The following NOTCH2NLC variants were observed in gnomAD, a reference collection of about 807,000 sequenced individuals.
The protein encoded by NOTCH2NLC is notch homolog 2 N-terminal-like protein C.
Under a neutral mutation model 17.7 loss-of-function variants are expected in NOTCH2NLC, and 4 were observed. That is an observed-to-expected ratio of 0.23 (90% CI 0.11 to 0.52). The LOEUF is 0.52. Ranked by LOEUF, NOTCH2NLC falls within the 20% of genes least tolerant of loss-of-function variation. The pLI, the probability that NOTCH2NLC is intolerant of heterozygous loss-of-function variation, is 0.96. For synonymous variants in NOTCH2NLC, 18 were observed against 86.0 expected (o/e 0.21, Z 4.38); for missense variants, 57 against 207.2 (o/e 0.28, Z 4.45).
At chr1:149,395,122 CA>C (rs2101460964) in intron 1 of NOTCH2NLC, among the ~76,000 whole-genome samples, 1 of 150,572 alleles carries the variant, frequency 6.6e-6, no homozygotes, top group East Asian at 2.0e-4. Flanking sequence ...CTTATGTGCA[CA>C]AAAACTCTTA....
At chr1:149,412,225 G>C (rs1207812513) in intron 1 of NOTCH2NLC, among the ~76,000 whole-genome samples, 2 of 149,504 alleles carry the variant, frequency 1.3e-5, no homozygotes, top group Non-Finnish European at 3.0e-5. Flanking sequence ...TTAAACTGCA[G>C]ATCATGACCA....
At chr1:149,462,747 G>C (rs2084657056) in intron 3 of NOTCH2NLC, among the ~76,000 whole-genome samples, 1 of 150,300 alleles carries the variant, frequency 6.7e-6, no homozygotes. Context: ...ATGTATGTGA[G>C]GGGCACTAAG....
chr1:149,424,974 C>T (rs1283122657), intron 1 of NOTCH2NLC, among the ~76,000 whole-genome samples: 1 of 151,306 alleles, frequency 6.6e-6, no homozygotes, highest in Non-Finnish European at 1.5e-5. Context: ...TCCCAGTAGG[C>T]CCCACCTTCA....
In NOTCH2NLC at chr1:149,470,768, TATC is replaced by T. The variant is rs2101520511; in HGVS notation, c.*6617_*6619del. 8.3e-6 allele frequency among the ~76,000 whole-genome samples: 1 copy of T among 119,796 alleles called. No individual in the cohort carries two copies. The highest frequency in any genetic ancestry group is 3.1e-5 in the African/African-American group (1 of 32,736). The allele number at this position is 119,796 out of a possible 152,430, so 78.6% of individuals were successfully genotyped here. A position where few individuals can be genotyped will look rare whatever the true frequency, so the allele number is the denominator to read the frequency against. ...TGAGTTGCTTCTACTTTTTGAGTAT[TATC>T]AATAATTCTGTTATGAACATTCTTG... On this transcript the variant is annotated 3_prime_UTR_variant, in exon 5 of 5. Transcript: ENST00000650865.
intron 1 of NOTCH2NLC, among the ~76,000 whole-genome samples, chr1:149,419,577 T>C (rs1367604137): frequency 6.7e-6 from 1 of 149,638 alleles, no homozygotes; most frequent in East Asian, 2.0e-4. Flanking sequence ...ATCTGAGTAG[T>C]CTTGAAGATA....
intron 1 of NOTCH2NLC, among the ~76,000 whole-genome samples, chr1:149,426,636 C>A (rs1432826626): frequency 8.2e-6 from 1 of 122,242 alleles, no homozygotes; most frequent in Non-Finnish European, 1.6e-5. Flanking sequence ...ACAGCAGATA[C>A]ACACACAGTA....
At chr1:149,448,867 A>G (rs1259196964) in intron 2 of NOTCH2NLC, among the ~76,000 whole-genome samples, 1 of 143,086 alleles carries the variant, frequency 7.0e-6, no homozygotes, top group Non-Finnish European at 1.5e-5. Context: ...TGCCTCTTCC[A>G]TCTACTAGCT....
At chr1:149,414,443 A>C (rs1324562409) in intron 1 of NOTCH2NLC, among the ~76,000 whole-genome samples, 4 of 150,372 alleles carry the variant, frequency 2.7e-5, no homozygotes, top group African/African-American at 7.3e-5. Context: ...TTTCTGGCAT[A>C]CTGTATACTC....
intron 2 of NOTCH2NLC, among the ~76,000 whole-genome samples, chr1:149,447,705 G>GA (rs1485989713): frequency 0.029 from 3,888 of 135,074 alleles, 282 homozygotes; most frequent in East Asian, 0.25. Flanking sequence ...GCAGATTTTT[G>GA]AAAAAAGGGT....
At chr1:149,424,933 A>G (rs1373574468) in intron 1 of NOTCH2NLC, among the ~76,000 whole-genome samples, 4 of 151,314 alleles carry the variant, frequency 2.6e-5, no homozygotes, top group African/African-American at 7.3e-5. Flanking sequence ...CAAGTTATTC[A>G]TGAGAGATCT....
intron 2 of NOTCH2NLC, among the ~76,000 whole-genome samples, chr1:149,440,055 C>T (rs1326654487): frequency 2.5e-4 from 37 of 148,528 alleles, no homozygotes; most frequent in African/African-American, 8.0e-4. Flanking sequence ...TTTGCCTTCA[C>T]GTAAATATGA....
At chr1:149,440,213 G>C (rs2084508683) in intron 2 of NOTCH2NLC, among the ~76,000 whole-genome samples, 1 of 149,496 alleles carries the variant, frequency 6.7e-6, no homozygotes, top group Non-Finnish European at 1.5e-5. Flanking sequence ...AAGTTAGATG[G>C]ACTCTGAAGC....
chr1:149,460,866 T>TCTCC (rs1234428396), intron 3 of NOTCH2NLC, among the ~76,000 whole-genome samples: 2 of 12,730 alleles, frequency 1.6e-4, no homozygotes, highest in Non-Finnish European at 3.7e-4. Context: ...TTTCTTTCTT[T>TCTCC]CTTTCTTTCT....
At chr1:149,460,836 ATTCTTTCTTTCTTTCTCCCTTTCTTTCT>A (rs2084640709) in intron 3 of NOTCH2NLC, among the ~76,000 whole-genome samples, 2 of 142,588 alleles carry the variant, frequency 1.4e-5, no homozygotes, top group Admixed American at 1.4e-4. Flanking sequence ...TTCAGGGTTG[ATTCTTTCTTTCTTTCTCCCTTTCTTTCT>A]TTCTTTCTTT....
At position 149,464,004 on chromosome 1, in the gene NOTCH2NLC, GC is replaced by G. The variant is rs1436836642; in HGVS notation, c.806-72del. The G allele has an allele frequency of 2.8e-5, 11 of 390,996 alleles. No homozygotes were observed. In the African/African-American group the frequency reaches 6.5e-4, roughly 23 times the overall value. 24.2% of individuals were successfully genotyped at this position (390,996 alleles called of 1,614,324 possible). On this transcript the variant is annotated intron_variant, in intron 4 of 4. Transcript: ENST00000650865. The stretch of plus-strand genomic sequence containing the variant: ...GGGCCCACTGTGGTCCATAAACTGA[GC>G]AGGGGATAATTTAGCATGTCAGGGT...
At position 149,471,728 on chromosome 1, in the gene NOTCH2NLC, T is replaced by G. The variant is rs1177357299; in HGVS notation, c.*7575T>G. On this transcript the variant is annotated 3_prime_UTR_variant, in exon 5 of 5. Coordinates refer to ENST00000650865, the MANE Select transcript of NOTCH2NLC (RefSeq NM_001364013.2). Reference sequence around the variant, plus strand: ...TGATGGTTGCAGAACTTTTGGAATATGGTAAAAGACACTGAAATATATGCT... The same window carrying G: ...TGATGGTTGCAGAACTTTTGGAATAGGGTAAAAGACACTGAAATATATGCT... Among the ~76,000 whole-genome samples, 1 of 149,734 alleles carries G rather than the reference T, an allele frequency of 6.7e-6. No homozygotes were observed. Among genetic ancestry groups the G allele is most frequent in the African/African-American group, 2.5e-5 (1 of 40,658 alleles).
intron 2 of NOTCH2NLC, among the ~76,000 whole-genome samples, chr1:149,432,543 T>G (rs1394237755): frequency 6.6e-6 from 1 of 151,120 alleles, no homozygotes; most frequent in African/African-American, 2.4e-5. Flanking sequence ...ACTTAATACC[T>G]TAGAGTAGGC....
At position 149,430,936 on chromosome 1, in the gene NOTCH2NLC, T is replaced by C. The variant is rs1373792882; in HGVS notation, c.136-6T>C. 5 of 389,212 alleles carry C rather than the reference T, an allele frequency of 1.3e-5. No individual in the cohort carries two copies. The highest frequency in any genetic ancestry group is 1.8e-5 in the Non-Finnish European group (4 of 217,436). The allele number at this position is 389,212 out of a possible 1,614,324, so 24.1% of individuals were successfully genotyped here. ...TGTGCATTTGTTTTTATTTTTAGCA[T>C]TGCAGTGTCGAGATGGCTATGAACC... On this transcript the variant is annotated splice_region_variant and splice_polypyrimidine_tract_variant and intron_variant, in intron 1 of 4. Coordinates refer to ENST00000650865, the MANE Select transcript of NOTCH2NLC (RefSeq NM_001364013.2).
chr1:149,435,854 C>T (rs1235090561), intron 2 of NOTCH2NLC, among the ~76,000 whole-genome samples: 1 of 146,202 alleles, frequency 6.8e-6, no homozygotes. Context: ...TCTGCTTGCA[C>T]ACTCTTCCTC....
Sources: gnomAD v4.1 joint callset for allele counts (sites outside exome capture counted in the v4.1 genomes callset) on GRCh38, gnomAD v4.1.1 for gene constraint, MANE v1.5 for transcripts, NCBI Gene and HGNC (gene_info 2026-07-23, HGNC 2026-07-21) for gene names.